The following GPC6 variants were observed in gnomAD, a reference collection of about 807,000 sequenced individuals.
The protein encoded by GPC6 is glypican 6, also known as glypican-6.
Under a neutral mutation model 55.2 loss-of-function variants are expected in GPC6, and 14 were observed. The observed-to-expected ratio is 0.25, with a 90% CI of 0.17 to 0.40. The LOEUF (loss-of-function observed/expected upper bound fraction) is 0.40. GPC6 is among the 10% of genes least tolerant of loss of function. The pLI is 1.00. For missense variants in GPC6, 641 were observed against 708.5 expected (o/e 0.90, Z 1.08); for synonymous variants, 278 against 259.6 (o/e 1.07, Z -0.68).
intron 1 of GPC6, among the ~76,000 whole-genome samples, chr13:93,381,623 T>C (rs555832799): frequency 9.9e-5 from 15 of 152,250 alleles, no homozygotes; most frequent in East Asian, 3.9e-4. Context: ...GAACGTGTCA[T>C]TGAGTCATTG....
chr13:94,273,579 G>A (rs187471820), intron 4 of GPC6, among the ~76,000 whole-genome samples: 16 of 152,302 alleles, frequency 1.1e-4, no homozygotes, highest in Middle Eastern at 3.4e-3. Flanking sequence ...GGTGAAGCAC[G>A]TGGAATTTAG....
intron 4 of GPC6, among the ~76,000 whole-genome samples, chr13:94,135,016 C>A (rs1418039538): frequency 5.3e-5 from 8 of 152,308 alleles, no homozygotes; most frequent in Admixed American, 5.2e-4. Flanking sequence ...ATGTGACCTT[C>A]AGAATAGCCG....
intron 4 of GPC6, among the ~76,000 whole-genome samples, chr13:94,041,849 T>A (rs1883546862): frequency 6.6e-6 from 1 of 151,902 alleles, no homozygotes; most frequent in Non-Finnish European, 1.5e-5. Context: ...TCAAAATGAT[T>A]TTCAACTTAC....
At chr13:94,078,540 A>C (rs1251068246) in intron 4 of GPC6, among the ~76,000 whole-genome samples, 1 of 151,922 alleles carries the variant, frequency 6.6e-6, no homozygotes, top group East Asian at 1.9e-4. Context: ...CAGCAAATAA[A>C]ATTAAAAATG....
chr13:94,362,097 G>T (rs1223707328), intron 6 of GPC6, among the ~76,000 whole-genome samples: 5 of 151,986 alleles, frequency 3.3e-5, no homozygotes, highest in Non-Finnish European at 7.4e-5. Flanking sequence ...ATTTTTCTTT[G>T]ACTCATTAAG....
At chr13:94,073,013 T>C (rs1884790471) in intron 4 of GPC6, among the ~76,000 whole-genome samples, 1 of 151,956 alleles carries the variant, frequency 6.6e-6, no homozygotes, top group African/African-American at 2.4e-5. Context: ...ATTCAAGAAA[T>C]TGCAGATAGA....
At position 94,232,683 on chromosome 13, in the gene GPC6, A is replaced by G. The variant is rs147854991; in HGVS notation, c.878-53666A>G. ...CTTATGGATTTTATTCAACGATGAC[A>G]TATTTTTTTAGATTCTGTAATGGCC... On this transcript the variant is annotated intron_variant, in intron 4 of 8. Transcript: ENST00000377047. Among the ~76,000 whole-genome samples, 334 of 152,262 alleles carry G rather than the reference A, an allele frequency of 2.2e-3. 4 individuals carry two copies. The highest frequency in any genetic ancestry group is 7.7e-3 in the African/African-American group (318 of 41,554).
At chr13:93,444,193 TTC>T (rs1305313948) in intron 1 of GPC6, among the ~76,000 whole-genome samples, 2 of 91,606 alleles carry the variant, frequency 2.2e-5, no homozygotes, top group African/African-American at 3.1e-5. Flanking sequence ...AATGCAATTC[TTC>T]TTTTTTTTTT....
intron 1 of GPC6, among the ~76,000 whole-genome samples, chr13:93,246,028 C>CT (rs537568388): frequency 2.6e-5 from 4 of 152,156 alleles, no homozygotes; most frequent in Non-Finnish European, 5.9e-5. Flanking sequence ...CTGTTGGTAC[C>CT]TATGACTCTT....
chr13:93,296,308 C>A (rs1416750116), intron 1 of GPC6, among the ~76,000 whole-genome samples: 1 of 152,176 alleles, frequency 6.6e-6, no homozygotes, highest in Admixed American at 6.5e-5. Context: ...ACCACTGTCA[C>A]TGTCTTTGTT....
At chr13:93,859,591 T>C (rs1187670482) in intron 3 of GPC6, among the ~76,000 whole-genome samples, 1 of 151,722 alleles carries the variant, frequency 6.6e-6, no homozygotes, top group Non-Finnish European at 1.5e-5. Context: ...TTGTCTATCA[T>C]TTTGACCAAG....
Position 93,496,229 on chromosome 13 carries a change from C to T in GPC6, c.161-49034C>T, listed in dbSNP as rs1009781283. ...AGGTGTGGGATATAGTCTCGTGGTG[C>T]GCCGTTTTTTAAGCTGGTCTGAAAA... is the stretch of plus-strand genomic sequence containing the variant. On this transcript the variant is annotated intron_variant, in intron 1 of 8. Coordinates refer to ENST00000377047, the MANE Select transcript of GPC6 (RefSeq NM_005708.5). 3.3e-5 allele frequency among the ~76,000 whole-genome samples: 5 copies of T among 152,094 alleles called. No individual in the cohort carries two copies. In the East Asian group the frequency reaches 5.8e-4, roughly 18 times the overall value.
At chr13:94,236,395 T>C (rs1359022718) in intron 4 of GPC6, among the ~76,000 whole-genome samples, 1 of 152,190 alleles carries the variant, frequency 6.6e-6, no homozygotes, top group East Asian at 1.9e-4. Context: ...CAGAAGTCGA[T>C]ATTCAGCTAT....
chr13:93,402,080 G>A (rs1245496710), intron 1 of GPC6, among the ~76,000 whole-genome samples: 1 of 152,140 alleles, frequency 6.6e-6, no homozygotes, highest in Non-Finnish European at 1.5e-5. Flanking sequence ...CAAGTAAAAG[G>A]AAGAGTCAGG....
chr13:94,362,290 G>A (rs1054016889), intron 6 of GPC6, among the ~76,000 whole-genome samples: 2 of 152,134 alleles, frequency 1.3e-5, no homozygotes, highest in Non-Finnish European at 2.9e-5. Context: ...TCATCATGTA[G>A]CTTTACTTGT....
At chr13:93,474,577 T>A (rs1274082792) in intron 1 of GPC6, among the ~76,000 whole-genome samples, 1 of 152,184 alleles carries the variant, frequency 6.6e-6, no homozygotes, top group African/African-American at 2.4e-5. Flanking sequence ...TCCTACCTTC[T>A]GGAACCCCAG....
intron 1 of GPC6, among the ~76,000 whole-genome samples, chr13:93,379,199 C>T (rs902010325): frequency 2.0e-5 from 3 of 152,012 alleles, no homozygotes; most frequent in African/African-American, 7.3e-5. Context: ...GACTACATAG[C>T]CCAGACTATA....
chr13:94,292,040 T>G (rs888149741), intron 5 of GPC6, among the ~76,000 whole-genome samples: 4 of 152,228 alleles, frequency 2.6e-5, no homozygotes, highest in Admixed American at 2.6e-4. Context: ...CAACTCGTAT[T>G]TATTGAGTGC....
intron 4 of GPC6, among the ~76,000 whole-genome samples, chr13:94,146,630 G>C (rs564003544): frequency 1.3e-5 from 2 of 152,140 alleles, no homozygotes; most frequent in South Asian, 4.2e-4. Flanking sequence ...CATGTCCAAG[G>C]TTACTGAACC....
Sources: gnomAD v4.1 joint callset for allele counts (sites outside exome capture counted in the v4.1 genomes callset) on GRCh38, gnomAD v4.1.1 for gene constraint, MANE v1.5 for transcripts, NCBI Gene and HGNC (gene_info 2026-07-23, HGNC 2026-07-21) for gene names.